HEPH: variants seen among roughly 807,000 people sequenced by gnomAD.
The protein encoded by HEPH is hephaestin.
A neutral mutation model predicts 80.8 loss-of-function variants in HEPH; 69 were observed. The ratio of observed to expected loss-of-function variants is 0.85; its 90% CI spans 0.70 to 1.04. HEPH has a LOEUF of 1.04. HEPH is among the 50% of genes least tolerant of loss of function. The pLI is 0.00. For synonymous variants in HEPH, 431 were observed against 322.8 expected (o/e 1.34, Z -3.60); for missense variants, 1,115 against 891.3 (o/e 1.25, Z -3.20).
chrX:66,221,611 G>A (rs1159742587), intron 15 of HEPH, among the ~76,000 whole-genome samples: 1 of 112,608 alleles, frequency 8.9e-6, no homozygotes, highest in Non-Finnish European at 1.9e-5. Flanking sequence ...CTTGGCCAGG[G>A]CCCCACAGTC....
intron 15 of HEPH, among the ~76,000 whole-genome samples, chrX:66,223,005 G>A (rs1016653628): frequency 1.8e-5 from 2 of 110,884 alleles, no homozygotes; most frequent in Admixed American, 9.5e-5. Context: ...AGGGGGTGGC[G>A]CTTTAACTCA....
chrX:66,254,283 G>A (rs755981385), intron 15 of HEPH, among the ~76,000 whole-genome samples: 3 of 111,078 alleles, frequency 2.7e-5, no homozygotes, highest in Admixed American at 9.6e-5. Context: ...CTAAAATATA[G>A]GGTAGAGGTA....
At position 66,213,002 on chromosome X, in the gene HEPH, GT is replaced by G. The variant is rs201423191; in HGVS notation, c.2563+4764del. Among the ~76,000 whole-genome samples, 925 of 107,222 alleles carry G rather than the reference GT, an allele frequency of 8.6e-3. 13 individuals are homozygous for G. Among genetic ancestry groups the G allele is most frequent in the African/African-American group, 0.028 (824 of 29,798 alleles). The allele number at this position is 107,222 out of a possible 115,157, so 93.1% of individuals were successfully genotyped here. ...TCAATTTCTTTCATCAGTGTTTGTAGTTTTTTTTAAATTAATTTATTTATTT... is the reference window on the plus strand; with the variant it reads ...TCAATTTCTTTCATCAGTGTTTGTAGTTTTTTTAAATTAATTTATTTATTT... On this transcript the variant is annotated intron_variant, in intron 15 of 20. Coordinates refer to ENST00000343002, the MANE Select transcript of HEPH (RefSeq NM_001367233.3).
chrX:66,225,022 G>T (rs968459918), intron 15 of HEPH, among the ~76,000 whole-genome samples: 2 of 109,485 alleles, frequency 1.8e-5, no homozygotes, highest in Non-Finnish European at 3.8e-5. Context: ...GTGGTGGAGG[G>T]GTCTAAAACC....
At position 66,173,576 on chromosome X, in the gene HEPH, A is replaced by G. The variant is rs1182139701; in HGVS notation, c.413-13A>G. On this transcript the variant is annotated splice_polypyrimidine_tract_variant and intron_variant, in intron 3 of 20. Transcript: ENST00000343002. Reference sequence around the variant, plus strand: ...CTTATTCTGGGCCTGTGCATGTACAATTTCATTTCTAGGTTCCCTATACCC... The same window carrying G: ...CTTATTCTGGGCCTGTGCATGTACAGTTTCATTTCTAGGTTCCCTATACCC... 8.5e-7 allele frequency: 1 copy of G among 1,183,262 alleles called. No individual in the cohort carries two copies. Among genetic ancestry groups the G allele is most frequent in the Admixed American group, 2.2e-5 (1 of 45,295 alleles).
In HEPH at chrX:66,192,014, G is replaced by A. The variant is rs764881090; in HGVS notation, c.1064-116G>A. On this transcript the variant is annotated intron_variant, in intron 6 of 20. Coordinates refer to ENST00000343002, the MANE Select transcript of HEPH (RefSeq NM_001367233.3). ...GAAAGCGGCCCATTTTGGAGCAGGA[G>A]TAAAGAGAGTAGTGGAGGGTGGGTG... 63 of 698,617 alleles carry A rather than the reference G, an allele frequency of 9.0e-5. No individual in the cohort carries two copies. In the South Asian group the frequency reaches 1.7e-3, roughly 19 times the overall value. The allele number at this position is 698,617 out of a possible 1,213,427, so 57.6% of individuals were successfully genotyped here.
At chrX:66,223,060 C>T (rs2089720206) in intron 15 of HEPH, among the ~76,000 whole-genome samples, 1 of 110,478 alleles carries the variant, frequency 9.1e-6, no homozygotes, top group South Asian at 3.9e-4. Flanking sequence ...ACAGCAGTCT[C>T]GGAGGTTAGC....
chrX:66,211,455 C>A (rs1046458622), intron 15 of HEPH, among the ~76,000 whole-genome samples: 3 of 111,016 alleles, frequency 2.7e-5, no homozygotes, highest in Non-Finnish European at 5.7e-5. Context: ...TATTTGTACC[C>A]TTTAAATCAG....
chrX:66,244,751 T>C (rs746758019), intron 15 of HEPH, among the ~76,000 whole-genome samples: 11 of 111,508 alleles, frequency 9.9e-5, no homozygotes, highest in Admixed American at 8.6e-4. Flanking sequence ...TTTCAGAGTT[T>C]GTGTGCTGAT....
At chrX:66,197,987 G>A in intron 10 of HEPH, 93 bp downstream of exon 10, 1 of 737,373 alleles carries the variant, frequency 1.4e-6, no homozygotes, top group Admixed American at 2.8e-5. Context: ...GGGTTCTAAA[G>A]TTTAGGGAAT....
At position 66,256,327 on chromosome X, in the gene HEPH, C is replaced by T. The variant is rs1310373040; in HGVS notation, c.2893C>T (p.His965Tyr). ...AACTTTCTTGGAGAGCAATAAAATG[C>T]ATGGTCAGTAGTAAAAAACCTACTC... ...DETFLESNKMHAINGKLYANL... is the reference protein window; with the variant it reads ...DETFLESNKMYAINGKLYANL... The change falls in exon 17 of 21, where the codon CAT becomes TAT. Residue 965 changes from histidine (H) to tyrosine (Y), a missense_variant. By Grantham distance (83) the His-to-Tyr change is moderately conservative. Coordinates refer to ENST00000343002, the MANE Select transcript of HEPH (RefSeq NM_001367233.3). 2 of 1,187,189 alleles carry T rather than the reference C, an allele frequency of 1.7e-6. No individual in the cohort carries two copies. Among genetic ancestry groups the T allele is most frequent in the South Asian group, 1.8e-5 (1 of 55,885 alleles).
chrX:66,256,572 G>T (rs891135633), intron 17 of HEPH, among the ~76,000 whole-genome samples: 1 of 111,874 alleles, frequency 8.9e-6, no homozygotes, highest in Middle Eastern at 4.6e-3. Flanking sequence ...TCTGTAAATT[G>T]CCATGGCGAT....
At chrX:66,207,103 A>T (rs1410237725) in intron 13 of HEPH, 92 bp from the exon 14 acceptor site, 15 of 721,701 alleles carry the variant, frequency 2.1e-5, no homozygotes, top group African/African-American at 1.9e-4. Context: ...CTGTGACATG[A>T]AGCTGGTTCT....
chrX:66,170,747 A>C lies in HEPH; in HGVS notation c.167+10A>C. Reference sequence around the variant, plus strand: ...CTCTGGACAGTGACATGTAGGTTTAATTTCTTGTGGTATTTGAGGGGAAGT... The same window carrying C: ...CTCTGGACAGTGACATGTAGGTTTACTTTCTTGTGGTATTTGAGGGGAAGT... On this transcript the variant is annotated intron_variant, in intron 2 of 20. Coordinates refer to ENST00000343002, the MANE Select transcript of HEPH (RefSeq NM_001367233.3). The C allele has an allele frequency of 8.3e-7, 1 of 1,200,074 alleles. No individual in the cohort carries two copies. The highest frequency in any genetic ancestry group is 1.8e-5 in the South Asian group (1 of 55,658).
intron 16 of HEPH, among the ~76,000 whole-genome samples, 171 bp downstream of exon 16, chrX:66,255,312 G>C (rs1030888981): frequency 9.0e-6 from 1 of 111,069 alleles, no homozygotes; most frequent in Non-Finnish European, 1.9e-5. Flanking sequence ...GAAGGGAATG[G>C]GTAGCACCAG....
In HEPH at chrX:66,195,089, AT is replaced by A; in HGVS notation, c.1370-5del. 2 of 1,166,111 alleles carry A rather than the reference AT, an allele frequency of 1.7e-6. No homozygotes were observed. The highest frequency in any genetic ancestry group is 2.3e-6 in the Non-Finnish European group (2 of 873,589). ...ATCATTCTCATTGTCTCTCCTTCCC[AT>A]TTTCCAGGGCCAGTGATCCGGGCTG... On this transcript the variant is annotated splice_polypyrimidine_tract_variant and splice_region_variant and intron_variant, in intron 8 of 20. Coordinates refer to ENST00000343002, the MANE Select transcript of HEPH (RefSeq NM_001367233.3).
intron 15 of HEPH, among the ~76,000 whole-genome samples, chrX:66,218,993 G>A (rs975674280): frequency 8.9e-6 from 1 of 111,838 alleles, no homozygotes; most frequent in African/African-American, 3.3e-5. Context: ...AAGACAATAT[G>A]AGGGGTGGTC....
chrX:66,199,403 G>A (rs1024569234), intron 11 of HEPH, among the ~76,000 whole-genome samples: 34 of 104,429 alleles, frequency 3.3e-4, no homozygotes, highest in African/African-American at 1.2e-3. Flanking sequence ...ATTTTTCTTT[G>A]TGAACATGCT....
chrX:66,261,783 A>C (rs2091373333), intron 19 of HEPH, among the ~76,000 whole-genome samples: 1 of 112,052 alleles, frequency 8.9e-6, no homozygotes, highest in South Asian at 3.7e-4. Context: ...TTTATTCTCT[A>C]TCAACTAATA....
Sources: allele counts gnomAD v4.1 joint callset (sites outside exome capture counted in the v4.1 genomes callset), GRCh38; gene constraint gnomAD v4.1.1; transcripts MANE v1.5; gene names NCBI Gene and HGNC (gene_info 2026-07-23, HGNC 2026-07-21).